The following RNF144A variants were observed in gnomAD, a reference collection of about 807,000 sequenced individuals.
RNF144A encodes the protein ring finger protein 144A.
Under a neutral mutation model 38.7 loss-of-function variants are expected in RNF144A, and 11 were observed. That is an observed-to-expected ratio of 0.28 (90% CI 0.18 to 0.47). The LOEUF (loss-of-function observed/expected upper bound fraction) is 0.47, where lower values mean the gene tolerates loss of function less well. Ranked by LOEUF, RNF144A falls within the 20% of genes least tolerant of loss-of-function variation. RNF144A has a pLI of 0.99. For synonymous variants in RNF144A, 149 were observed against 143.9 expected, an observed-to-expected ratio of 1.04 and a Z score of -0.25; for missense variants, 316 against 377.2, an observed-to-expected ratio of 0.84 and a Z score of 1.34.
At chr2:7,019,884 G>A (rs11675248) in intron 5 of RNF144A, among the ~76,000 whole-genome samples, 7,276 of 152,294 alleles carry the variant, frequency 0.048, 187 homozygotes, top group Middle Eastern at 0.082. Context: ...GTTTCACTCC[G>A]TAGTTAACTC....
chr2:6,923,223 C>T (rs13018686), intron 1 of RNF144A, among the ~76,000 whole-genome samples: 44,039 of 152,060 alleles, frequency 0.29, 6,967 homozygotes, highest in South Asian at 0.41. Flanking sequence ...CACAGAAATA[C>T]TCAGATGTCT....
At chr2:7,012,771 A>G (rs1216097857) in intron 3 of RNF144A, among the ~76,000 whole-genome samples, 2 of 152,196 alleles carry the variant, frequency 1.3e-5, no homozygotes, top group Non-Finnish European at 2.9e-5. Context: ...ATCTCTGAAA[A>G]TTCTGCCATC....
At chr2:7,035,386 G>A (rs534946660) in intron 8 of RNF144A, among the ~76,000 whole-genome samples, 9 of 152,218 alleles carry the variant, frequency 5.9e-5, no homozygotes, top group African/African-American at 1.9e-4. Flanking sequence ...CACCCACATC[G>A]ACATAACTTC....
intron 2 of RNF144A, among the ~76,000 whole-genome samples, chr2:6,970,894 C>T (rs1164919506): frequency 1.3e-5 from 2 of 152,214 alleles, no homozygotes; most frequent in Non-Finnish European, 2.9e-5. Context: ...AAATTTGTTG[C>T]CTCCAAGGCA....
chr2:6,975,500 G>A (rs758015187), intron 2 of RNF144A, among the ~76,000 whole-genome samples: 6 of 152,132 alleles, frequency 3.9e-5, no homozygotes, highest in African/African-American at 1.2e-4. Context: ...AGCCCTCCTC[G>A]CCATGTTAAG....
chr2:6,926,528 T>C (rs1277844636), intron 1 of RNF144A, among the ~76,000 whole-genome samples: 1 of 152,212 alleles, frequency 6.6e-6, no homozygotes, highest in African/African-American at 2.4e-5. Flanking sequence ...CAGAGCCATA[T>C]GCATGCGGCT....
At chr2:6,995,232 C>T (rs1005588621) in intron 2 of RNF144A, among the ~76,000 whole-genome samples, 5 of 151,172 alleles carry the variant, frequency 3.3e-5, no homozygotes, top group African/African-American at 9.7e-5. Context: ...TAAGTTAGGA[C>T]AGCTCCTTGA....
At chr2:6,982,539 T>C (rs1341036160) in intron 2 of RNF144A, among the ~76,000 whole-genome samples, 1 of 152,228 alleles carries the variant, frequency 6.6e-6, no homozygotes, top group Non-Finnish European at 1.5e-5. Flanking sequence ...AACAGTTGGA[T>C]GATAAGACTG....
intron 3 of RNF144A, among the ~76,000 whole-genome samples, chr2:7,004,075 G>A (rs573460811): frequency 6.6e-6 from 1 of 152,196 alleles, no homozygotes; most frequent in African/African-American, 2.4e-5. Context: ...GGGACTCTTT[G>A]GTCTCTGAAC....
At chr2:7,051,712 A>G (rs1477498567) in intron 6 of RNF144A, among the ~76,000 whole-genome samples, 1 of 152,228 alleles carries the variant, frequency 6.6e-6, no homozygotes, top group Non-Finnish European at 1.5e-5. Flanking sequence ...AACATGGTGA[A>G]ATGTCATCTC....
downstream of RNF144A, among the ~76,000 whole-genome samples, chr2:7,044,464 C>G (rs1398625349): frequency 1.3e-5 from 2 of 152,150 alleles, no homozygotes; most frequent in Non-Finnish European, 2.9e-5. Context: ...TTCCTGGCTC[C>G]CTCTTGTGGT....
At chr2:7,029,632 C>T (rs1474095504) in intron 7 of RNF144A, among the ~76,000 whole-genome samples, 1 of 152,194 alleles carries the variant, frequency 6.6e-6, no homozygotes, top group Non-Finnish European at 1.5e-5. Context: ...GGGGATGGAT[C>T]AGCAACAAAG....
At chr2:7,054,393 G>A (rs1006705159) in intron 6 of RNF144A, among the ~76,000 whole-genome samples, 6 of 152,132 alleles carry the variant, frequency 3.9e-5, no homozygotes, top group Non-Finnish European at 5.9e-5. Context: ...TGACATCTTT[G>A]CCTTGGTGAG....
intron 2 of RNF144A, among the ~76,000 whole-genome samples, chr2:6,986,434 T>G (rs1668970883): frequency 6.6e-6 from 1 of 152,178 alleles, no homozygotes; most frequent in South Asian, 2.1e-4. Flanking sequence ...ACAGCCATTG[T>G]GCCGGGCCTG....
At position 6,951,922 on chromosome 2, in the gene RNF144A, G is replaced by A. The variant is rs549413476; in HGVS notation, c.-12+10775G>A. On this transcript the variant is annotated intron_variant, in intron 2 of 8. Transcript: ENST00000320892. ...CTTTCTTGTGATTGCTTTCTTTTTT[G>A]CATTAGAGCCCAAGGTACAATATTG... Among the ~76,000 whole-genome samples the A allele has an allele frequency of 5.9e-5, 9 of 151,674 alleles. No homozygotes were observed. The South Asian group carries it at 1.7e-3, about 28-fold the overall frequency.
At chr2:7,057,563 A>G in intron 6 of RNF144A, among the ~76,000 whole-genome samples, 1 of 152,222 alleles carries the variant, frequency 6.6e-6, no homozygotes, top group East Asian at 1.9e-4. Flanking sequence ...GCCAAATATT[A>G]AAGTAACTCC....
intron 2 of RNF144A, among the ~76,000 whole-genome samples, chr2:6,950,022 C>T (rs553418159): frequency 6.6e-6 from 1 of 152,202 alleles, no homozygotes; most frequent in Admixed American, 6.5e-5. Flanking sequence ...TTAGTCAGAA[C>T]AGGATTCTGC....
At chr2:7,047,948 C>T (rs309296), downstream of RNF144A, among the ~76,000 whole-genome samples, 53,885 of 152,044 alleles carry the variant, frequency 0.35, 10,567 homozygotes, top group South Asian at 0.54. Context: ...CAGTGTTCCT[C>T]CCACCACACA....
At chr2:6,970,583 CA>C (rs1667947260) in intron 2 of RNF144A, among the ~76,000 whole-genome samples, 1 of 152,190 alleles carries the variant, frequency 6.6e-6, no homozygotes, top group Admixed American at 6.5e-5. Context: ...ACTTCTGTCC[CA>C]AGCATTTTGG....
Sources: gnomAD v4.1 joint callset for allele counts (sites outside exome capture counted in the v4.1 genomes callset) on GRCh38, gnomAD v4.1.1 for gene constraint, MANE v1.5 for transcripts, NCBI Gene and HGNC (gene_info 2026-07-23, HGNC 2026-07-21) for gene names.